The following TLN2 variants were observed in gnomAD, a reference collection of about 807,000 sequenced individuals.
TLN2 encodes talin-2.
A neutral mutation model predicts 294.7 loss-of-function variants in TLN2; 118 were observed. That is an observed-to-expected ratio of 0.40 (90% confidence interval 0.34 to 0.47). TLN2 has a LOEUF of 0.47. Among genes scored for constraint, TLN2 ranks in the 20% least tolerant of loss-of-function variants. The pLI is 0.84. For synonymous variants in TLN2, 1,431 were observed against 1,304.5 expected (o/e 1.10, Z -2.09); for missense variants, 3,083 against 3,282.2 (o/e 0.94, Z 1.48).
At chr15:62,567,225 C>A (rs1485753993) in intron 1 of TLN2, among the ~76,000 whole-genome samples, 1 of 151,544 alleles carries the variant, frequency 6.6e-6, no homozygotes, top group East Asian at 1.9e-4. Context: ...TTTCCAAGAC[C>A]TTATTAGCAT....
intron 1 of TLN2, among the ~76,000 whole-genome samples, chr15:62,584,423 C>CT (rs1415723929): frequency 4.6e-5 from 7 of 152,210 alleles, no homozygotes; most frequent in Admixed American, 2.0e-4. Context: ...ACTCTTTTCT[C>CT]TTTGTCCTGC....
chr15:62,647,457 G>T lies in TLN2; in HGVS notation c.136+11G>T. 13 of 1,612,320 alleles carry T rather than the reference G, an allele frequency of 8.1e-6. No homozygotes were observed. The highest frequency in any genetic ancestry group is 1.0e-5 in the Non-Finnish European group (12 of 1,179,658). On this transcript the variant is annotated intron_variant, in intron 4 of 58. Coordinates refer to ENST00000636159, the MANE Select transcript of TLN2 (RefSeq NM_015059.3). ...CACAAACTGGGCAAGGTAGGTCATG[G>T]GTTATTTACTGGCTTCTTAAAACGT...
Position 62,702,817 on chromosome 15 carries a change from G to A in TLN2, c.1957G>A (p.Asp653Asn), listed in dbSNP as rs1454548338. 2 of 1,614,110 alleles carry A rather than the reference G, an allele frequency of 1.2e-6. No individual in the cohort carries two copies. Among genetic ancestry groups the A allele is most frequent in the East Asian group, 2.2e-5 (1 of 44,898 alleles). Reference protein sequence around the residue: ...AAGSIGQASGDLLRQIGENET... With the variant: ...AAGSIGQASGNLLRQIGENET... ...TGGCAGCATCGGACAAGCCAGTGGG[G>A]ATCTTCTGAGACAGATTGGAGAGAA... Residue 653 changes from aspartate to asparagine, a missense_variant, in exon 19 of 59, where the codon GAT becomes AAT. Transcript: ENST00000636159.
chr15:62,407,575 A>G (rs531089539), intron 1 of TLN2, among the ~76,000 whole-genome samples: 1 of 152,232 alleles, frequency 6.6e-6, no homozygotes, highest in African/African-American at 2.4e-5. Context: ...TTTTCATTTG[A>G]TTTTTGTTAG....
chr15:62,709,166 C>T (rs2059262234), intron 21 of TLN2, among the ~76,000 whole-genome samples: 1 of 152,190 alleles, frequency 6.6e-6, no homozygotes, highest in Non-Finnish European at 1.5e-5. Context: ...TGCATGTCCC[C>T]TGGAGGGCTC....
At chr15:62,638,157 G>A (rs2050597816) in intron 3 of TLN2, 1 of 167,542 alleles carries the variant, frequency 6.0e-6, no homozygotes, top group African/African-American at 2.4e-5. Context: ...TCTCTTTCAG[G>A]CGGTCCTTTT....
chr15:62,757,913 G>A (rs1292198451), intron 37 of TLN2, among the ~76,000 whole-genome samples: 1 of 152,128 alleles, frequency 6.6e-6, no homozygotes, highest in African/African-American at 2.4e-5. Flanking sequence ...ACAGGAAAGT[G>A]GTAAAGGTCA....
intron 30 of TLN2, 82 bp from the exon 31 acceptor site, chr15:62,739,266 G>A (rs2061189145): frequency 6.9e-7 from 1 of 1,456,058 alleles, no homozygotes; most frequent in Non-Finnish European, 9.3e-7. Context: ...TGAAGAGTCT[G>A]TCTCCCTTCC....
chr15:62,836,780 A>C (rs573350181), intron 57 of TLN2, among the ~76,000 whole-genome samples: 1 of 152,362 alleles, frequency 6.6e-6, no homozygotes, highest in African/African-American at 2.4e-5. Context: ...TCATATAGCA[A>C]ACGTTATCAT....
At chr15:62,805,208 C>T (rs529076686) in intron 50 of TLN2, among the ~76,000 whole-genome samples, 2 of 140,180 alleles carry the variant, frequency 1.4e-5, no homozygotes, top group African/African-American at 5.4e-5. Flanking sequence ...GCCCTGAAAC[C>T]AGCACTGGGA....
intron 1 of TLN2, among the ~76,000 whole-genome samples, chr15:62,575,854 C>G (rs1055420253): frequency 3.3e-5 from 5 of 152,186 alleles, no homozygotes; most frequent in Non-Finnish European, 7.3e-5. Flanking sequence ...GGAAAATGCC[C>G]AGCCCTCCCT....
intron 3 of TLN2, among the ~76,000 whole-genome samples, chr15:62,646,922 T>G (rs2051935042): frequency 6.6e-6 from 1 of 152,162 alleles, no homozygotes; most frequent in Admixed American, 6.5e-5. Context: ...CCTCTTGCCT[T>G]GAGGACATTA....
intron 1 of TLN2, among the ~76,000 whole-genome samples, chr15:62,570,862 C>G (rs938015134): frequency 1.3e-5 from 2 of 151,724 alleles, no homozygotes; most frequent in African/African-American, 4.8e-5. Context: ...GGTAAGCGTA[C>G]TACTGGTGGC....
intron 2 of TLN2, among the ~76,000 whole-genome samples, chr15:62,605,606 A>G (rs1254426715): frequency 2.0e-5 from 3 of 150,778 alleles, no homozygotes; most frequent in Admixed American, 6.7e-5. Flanking sequence ...TGTTGAATTG[A>G]GAATCCGGTA....
At chr15:62,797,518 G>A in intron 48 of TLN2, 116 bp downstream of exon 48, 1 of 1,248,150 alleles carries the variant, frequency 8.0e-7, no homozygotes, top group Non-Finnish European at 1.1e-6. Flanking sequence ...ATGTGTGTGT[G>A]AGTGTGTCTG....
At chr15:62,396,718 CTT>C (rs371686423) in intron 1 of TLN2, among the ~76,000 whole-genome samples, 7 of 145,440 alleles carry the variant, frequency 4.8e-5, no homozygotes, top group East Asian at 2.0e-4. Flanking sequence ...AGAAGGCTTT[CTT>C]TTTTTTTTTT....
At chr15:62,437,747 A>G (rs1269406269) in intron 1 of TLN2, among the ~76,000 whole-genome samples, 1 of 80,340 alleles carries the variant, frequency 1.2e-5, no homozygotes. Flanking sequence ...AAAAAACACC[A>G]TGGGGGTGTG....
At chr15:62,781,946 G>GA (rs373825426) in intron 44 of TLN2, among the ~76,000 whole-genome samples, 29 of 152,154 alleles carry the variant, frequency 1.9e-4, no homozygotes, top group African/African-American at 7.0e-4. Context: ...GCAGTTATAC[G>GA]AAAGATGACA....
chr15:62,701,790 G>T (rs1331059663), intron 17 of TLN2, among the ~76,000 whole-genome samples: 1 of 152,198 alleles, frequency 6.6e-6, no homozygotes, highest in African/African-American at 2.4e-5. Flanking sequence ...CAGTATTTCA[G>T]TGCATGAGGC....
Sources: gnomAD v4.1 joint callset for allele counts (sites outside exome capture counted in the v4.1 genomes callset) on GRCh38, gnomAD v4.1.1 for gene constraint, MANE v1.5 for transcripts, NCBI Gene and HGNC (gene_info 2026-07-23, HGNC 2026-07-21) for gene names.